MYO1G: variants seen among roughly 807,000 people sequenced by gnomAD.
MYO1G encodes unconventional myosin-Ig.
In MYO1G, 65 loss-of-function variants were observed where a neutral mutation model predicts 115.3. That is an observed-to-expected ratio of 0.56 (90% confidence interval 0.46 to 0.69). The LOEUF is 0.69. Among genes scored for constraint, MYO1G ranks in the 30% least tolerant of loss-of-function variants. MYO1G has a pLI of 0.00. For synonymous variants in MYO1G, 510 were observed against 552.6 expected, an observed-to-expected ratio of 0.92 and a Z score of 1.08; for missense variants, 1,204 against 1,393.5, an observed-to-expected ratio of 0.86 and a Z score of 2.16.
In MYO1G at chr7:44,964,996, A is replaced by T. The variant is rs202153428; in HGVS notation, c.2475T>A (p.Leu825=). The T allele has an allele frequency of 2.5e-6, 4 of 1,610,064 alleles. No individual in the cohort carries two copies. The highest frequency in any genetic ancestry group is 3.4e-6 in the Non-Finnish European group (4 of 1,177,458). The change falls in exon 18 of 22, where the codon CTT becomes CTA. Residue 825 remains leucine, a synonymous_variant. Coordinates refer to ENST00000258787, the MANE Select transcript of MYO1G (RefSeq NM_033054.3). The surrounding 1 kb of genome is among the most constrained non-coding windows in gnomAD (Gnocchi z 5.1). Reference sequence around the variant, plus strand: ...CCCGTCGGCAGCCCCAGTCCTGACGAAGCCCTTGCAGGGCCCCCATGGCGG... The same window carrying T: ...CCCGTCGGCAGCCCCAGTCCTGACGTAGCCCTTGCAGGGCCCCCATGGCGG... ...KVAAMGALQG[L]RQDWGCRRAW... is the part of the protein sequence containing the mutation.
At position 44,975,633 on chromosome 7, in the gene MYO1G, G is replaced by T; in HGVS notation, c.415C>A (p.Leu139Ile). ...AEVERVKDVL[L>I]KSTCVLEAFG... The stretch of plus-strand genomic sequence containing the variant: ...GCCTCCAGCACACAGGTGGACTTGA[G>T]CAGCACGTCCTTGACCCTGTCAGGG... The change falls in exon 4 of 22, where the codon CTC (leucine) becomes ATC (isoleucine). Residue 139 changes from leucine (L) to isoleucine (I), a missense_variant. Transcript: ENST00000258787. 1 of 1,612,206 alleles carries T rather than the reference G, an allele frequency of 6.2e-7. No individual in the cohort carries two copies. The highest frequency in any genetic ancestry group is 8.5e-7 in the Non-Finnish European group (1 of 1,178,816).
chr7:44,975,378 C>T (rs1583795761), intron 4 of MYO1G, 106 bp downstream of exon 4: 2 of 1,522,784 alleles, frequency 1.3e-6, no homozygotes, highest in East Asian at 2.3e-5. Flanking sequence ...CAGGGAGAGA[C>T]AGCCCAGCCC....
Position 44,964,008 on chromosome 7 carries a change from C to G in MYO1G, c.2745+41G>C. 6.7e-7 allele frequency: 1 copy of G among 1,490,076 alleles called. No individual in the cohort carries two copies. Among genetic ancestry groups the G allele is most frequent in the Non-Finnish European group, 9.2e-7 (1 of 1,091,692 alleles). The allele number at this position is 1,490,076 out of a possible 1,614,324, so 92.3% of individuals were successfully genotyped here. A position where few individuals can be genotyped will look rare whatever the true frequency, so the allele number is the denominator to read the frequency against. On this transcript the variant is annotated intron_variant, in intron 20 of 21. Coordinates refer to ENST00000258787, the MANE Select transcript of MYO1G (RefSeq NM_033054.3). The surrounding 1 kb of genome is among the most constrained non-coding windows in gnomAD (Gnocchi z 5.1). The stretch of plus-strand genomic sequence containing the variant: ...GACTCTGAGCAGCCCAGCAGTGCCC[C>G]TCACAGATGCTGCACCCTACTCCCC...
At chr7:44,968,882 A>C in intron 12 of MYO1G, 1 of 161,132 alleles carries the variant, frequency 6.2e-6, no homozygotes, top group Non-Finnish European at 1.4e-5. Flanking sequence ...TCTCCTTGAG[A>C]AGTTCTCATG....
At chr7:44,975,104 A>G (rs1261027284) in intron 5 of MYO1G, 70 bp downstream of exon 5, 1 of 1,509,328 alleles carries the variant, frequency 6.6e-7, no homozygotes, top group Non-Finnish European at 9.2e-7. Context: ...AAGGGTCACA[A>G]GCTGGTCCAG....
At chr7:44,977,185 G>A (rs1011467858) in intron 1 of MYO1G, 114 bp from the exon 2 acceptor site, 2 of 965,728 alleles carry the variant, frequency 2.1e-6, no homozygotes, top group South Asian at 1.6e-5. Context: ...CCACCCTGAC[G>A]GGCTGAGAGT....
chr7:44,972,112 C>G lies in MYO1G; in HGVS notation c.729+3G>C. ...TTGAGCCCTTGGTGCCCCTCACACT[C>G]ACACTGTGCACAGTCATGTTGAGTC... On this transcript the variant is annotated splice_donor_region_variant and intron_variant, in intron 6 of 21. Coordinates refer to ENST00000258787, the MANE Select transcript of MYO1G (RefSeq NM_033054.3). The G allele has an allele frequency of 6.2e-7, 1 of 1,611,822 alleles. No homozygotes were observed. Among genetic ancestry groups the G allele is most frequent in the Non-Finnish European group, 8.5e-7 (1 of 1,177,974 alleles).
chr7:44,969,613 C>G lies in MYO1G; in HGVS notation c.1503+92G>C, dbSNP rs191741926. 22 of 1,583,074 alleles carry G rather than the reference C, an allele frequency of 1.4e-5. No homozygotes were observed. In the East Asian group the frequency reaches 4.7e-4, roughly 34 times the overall value. ...ACGACAATGGCACCAAAGCTGGGTC[C>G]CCAACCAGGCCCCACGAGGCATGGG... On this transcript the variant is annotated intron_variant, in intron 11 of 21. Coordinates refer to ENST00000258787, the MANE Select transcript of MYO1G (RefSeq NM_033054.3). This position sits in a 1 kb window ranked among gnomAD's most constrained non-coding sequence, Gnocchi z 5.0.
Position 44,978,855 on chromosome 7 carries a change from C to A in MYO1G, c.95+12G>T. On this transcript the variant is annotated intron_variant, in intron 1 of 21. Coordinates refer to ENST00000258787, the MANE Select transcript of MYO1G (RefSeq NM_033054.3). ...GGAGGAGGGGAGCCACTGCCTCCTG[C>A]CCTGGGCCTACCTGAGCTGCAGGTT... 6.2e-7 allele frequency: 1 copy of A among 1,613,140 alleles called. No homozygotes were observed. Among genetic ancestry groups the A allele is most frequent in the Non-Finnish European group, 8.5e-7 (1 of 1,179,104 alleles).
In MYO1G at chr7:44,967,925, T is replaced by C. The variant is rs1405874441; in HGVS notation, c.1608A>G (p.Arg536=). 1.2e-6 allele frequency: 2 copies of C among 1,613,854 alleles called. No homozygotes were observed. Among genetic ancestry groups the C allele is most frequent in the African/African-American group, 1.3e-5 (1 of 74,924 alleles). ...YSVEGFIDKN[R]DFLFQDFKRL... is the part of the protein sequence containing the mutation. Reference sequence around the variant, plus strand: ...GCTTGAAGTCCTGGAAGAGGAAATCTCTGTTCTTGTCGATGAAGCCTTCCA... The same window carrying C: ...GCTTGAAGTCCTGGAAGAGGAAATCCCTGTTCTTGTCGATGAAGCCTTCCA... Residue 536 remains arginine (R), a synonymous_variant, in exon 13 of 22, where the codon AGA becomes AGG. Transcript: ENST00000258787.
Position 44,969,555 on chromosome 7 carries a change from C to T in MYO1G, c.1504-72G>A. 1.9e-6 allele frequency: 3 copies of T among 1,585,894 alleles called. No homozygotes were observed. Among genetic ancestry groups the T allele is most frequent in the Non-Finnish European group, 2.6e-6 (3 of 1,155,452 alleles). ...CTGTATGAAGGGATAGCCCTGCCTC[C>T]CCACCTCCAGGGCAGAGAAGGTTGC... On this transcript the variant is annotated intron_variant, in intron 11 of 21. Transcript: ENST00000258787. The surrounding 1 kb of genome is among the most constrained non-coding windows in gnomAD (Gnocchi z 5.0).
rs774987012 is a variant in MYO1G, at chr7:44,962,888, G to A, written c.2908C>T (p.Arg970Cys). Residue 970 changes from arginine (R) to cysteine (C), a missense_variant, in exon 22 of 22, where the codon CGC becomes TGC. Transcript: ENST00000258787. This position sits in a 1 kb window ranked among gnomAD's most constrained non-coding sequence, Gnocchi z 5.3. ...TCGGAGACGCGAACCTCCAGGGTGC[G>A]GCCCTCCCTGCGGCAGGAGGAGGGG... ...VLAAHCQGEG[R>C]TLEVRVSDCI... 33 of 1,490,380 alleles carry A rather than the reference G, an allele frequency of 2.2e-5. No homozygotes were observed. Among genetic ancestry groups the A allele is most frequent in the Non-Finnish European group, 5.3e-6 (6 of 1,122,124 alleles). The allele number at this position is 1,490,380 out of a possible 1,614,324, so 92.3% of individuals were successfully genotyped here. A position where few individuals can be genotyped will look rare whatever the true frequency, so the allele number is the denominator to read the frequency against.
At chr7:44,974,988 T>G in intron 5 of MYO1G, 186 bp downstream of exon 5, 7 of 675,478 alleles carry the variant, frequency 1.0e-5, no homozygotes, top group African/African-American at 1.8e-5. Flanking sequence ...CACACCCTCT[T>G]GTTTGTGGGG....
In MYO1G at chr7:44,966,065, C is replaced by T; in HGVS notation, c.2157+8G>A. 6.2e-7 allele frequency: 1 copy of T among 1,610,312 alleles called. No individual in the cohort carries two copies. Among genetic ancestry groups the T allele is most frequent in the Non-Finnish European group, 8.5e-7 (1 of 1,179,486 alleles). On this transcript the variant is annotated splice_region_variant and intron_variant, in intron 16 of 21. Transcript: ENST00000258787. This position sits in a 1 kb window ranked among gnomAD's most constrained non-coding sequence, Gnocchi z 5.0. ...ATAGTGGATGTCTTCCTGCCCCGCC[C>T]ACCTCACCTTCTGCAATAGCAGCAC...
chr7:44,963,174 C>A lies in MYO1G; in HGVS notation c.2746-50G>T, dbSNP rs1794779110. 1.4e-6 allele frequency: 2 copies of A among 1,385,702 alleles called. No homozygotes were observed. Among genetic ancestry groups the A allele is most frequent in the Non-Finnish European group, 1.9e-6 (2 of 1,075,040 alleles). 85.8% of individuals were successfully genotyped at this position (1,385,702 alleles called of 1,614,324 possible). A position where few individuals can be genotyped will look rare whatever the true frequency, so the allele number is the denominator to read the frequency against. On this transcript the variant is annotated intron_variant, in intron 20 of 21. Coordinates refer to ENST00000258787, the MANE Select transcript of MYO1G (RefSeq NM_033054.3). This position sits in a 1 kb window ranked among gnomAD's most constrained non-coding sequence, Gnocchi z 4.1. ...GCAGCCGCCTCAACCCGCACCCCAG[C>A]CTAGCCGGACTCACCCCCTCCCCAG...
At chr7:44,973,619 C>T (rs1794998688) in intron 5 of MYO1G, 2 of 148,980 alleles carry the variant, frequency 1.3e-5, no homozygotes, top group African/African-American at 4.9e-5. Flanking sequence ...GTTTATAGTT[C>T]ATGGAGACCC....
At chr7:44,971,914 G>T in intron 6 of MYO1G, 125 bp from the exon 7 acceptor site, 1 of 785,470 alleles carries the variant, frequency 1.3e-6, no homozygotes, top group Non-Finnish European at 2.1e-6. Flanking sequence ...TCCTGAACCT[G>T]ATTACTCCAG....
Position 44,966,199 on chromosome 7 carries a change from C to T in MYO1G, c.2031G>A (p.Gln677=). 1 of 1,612,690 alleles carries T rather than the reference C, an allele frequency of 6.2e-7. No homozygotes were observed. ...AGGCCACGTCCCCCTGCAGCCCGTG[C>T]TGCTCCAGGAGAGCGCTCACGGCTG... ...DKAAVSALLE[Q]HGLQGDVAFG... The change falls in exon 16 of 22, where the codon CAG becomes CAA. Residue 677 remains glutamine, a synonymous_variant. Transcript: ENST00000258787. The surrounding 1 kb of genome is among the most constrained non-coding windows in gnomAD (Gnocchi z 5.0).
At chr7:44,973,135 T>C (rs375852121) in intron 5 of MYO1G, 4 of 152,208 alleles carry the variant, frequency 2.6e-5, no homozygotes, top group Middle Eastern at 3.4e-3. Flanking sequence ...ACACCGCCAG[T>C]GTCCCAGACA....
Sources: gnomAD v4.1 joint callset for allele counts on GRCh38, gnomAD v4.1.1 for gene constraint, Gnocchi (gnomAD v3.1) non-coding constraint, MANE v1.5 for transcripts, NCBI Gene and HGNC (gene_info 2026-07-23, HGNC 2026-07-21) for gene names.